Variants in SCN11A observed in about 807,000 individuals in gnomAD.
The protein encoded by SCN11A is sodium voltage-gated channel alpha subunit 11, also known as sodium channel protein type 11 subunit alpha.
A neutral mutation model predicts 162.2 loss-of-function variants in SCN11A; 122 were observed. The ratio of observed to expected loss-of-function variants is 0.75; its 90% CI spans 0.65 to 0.87. The LOEUF is 0.87. Among genes scored for constraint, SCN11A ranks in the 40% least tolerant of loss-of-function variants. SCN11A has a pLI of 0.00. For missense variants in SCN11A, 2,015 were observed against 2,181.6 expected, an observed-to-expected ratio of 0.92 and a Z score of 1.52; for synonymous variants, 758 against 751.5, an observed-to-expected ratio of 1.01 and a Z score of -0.14.
intron 2 of SCN11A, among the ~76,000 whole-genome samples, chr3:39,014,491 C>T (rs1282133729): frequency 1.3e-5 from 2 of 152,174 alleles, no homozygotes; most frequent in Non-Finnish European, 2.9e-5. Flanking sequence ...TGGCTCAAAA[C>T]ACATCCTATA....
At chr3:38,905,972 A>G (rs2065785778) in intron 14 of SCN11A, among the ~76,000 whole-genome samples, 1 of 152,202 alleles carries the variant, frequency 6.6e-6, no homozygotes, top group Non-Finnish European at 1.5e-5. Flanking sequence ...GGGTTTTCCT[A>G]GTGGCTTATT....
chr3:38,925,626 C>A, intron 8 of SCN11A, 117 bp from the exon 9 acceptor site: 1 of 678,098 alleles, frequency 1.5e-6, no homozygotes. Flanking sequence ...AAGGTGAAAT[C>A]GACAGCCTCA....
At chr3:38,911,914 T>C (rs980524293) in intron 11 of SCN11A, among the ~76,000 whole-genome samples, 25 of 152,212 alleles carry the variant, frequency 1.6e-4, no homozygotes, top group African/African-American at 5.8e-4. Context: ...CCACATTTTC[T>C]GTGGCTTTAT....
chr3:38,992,310 T>C (rs567040149), intron 2 of SCN11A, among the ~76,000 whole-genome samples: 51 of 152,368 alleles, frequency 3.3e-4, no homozygotes, highest in Non-Finnish European at 6.8e-4. Flanking sequence ...CTATCCAGGA[T>C]TGGCTATGGC....
rs1356102739 is a variant in SCN11A, at chr3:38,894,865, C to A, written c.2503G>T (p.Ala835Ser). 1.2e-6 allele frequency: 2 copies of A among 1,614,106 alleles called. No individual in the cohort carries two copies. The highest frequency in any genetic ancestry group is 1.7e-6 in the Non-Finnish European group (2 of 1,179,932). Residue 835 changes from alanine to serine, a missense_variant, in exon 19 of 30, where the codon GCA becomes TCA. Coordinates refer to ENST00000302328, the MANE Select transcript of SCN11A (RefSeq NM_001349253.2). ...GEARKTKVQL[A>S]LDRFRRAFCF... ...AAAGCCCGGCGGAATCGATCCAGTG[C>A]TAACTGGACTTTAGTTTTCCTGGCC...
At chr3:38,987,323 A>T (rs1421892055) in intron 2 of SCN11A, among the ~76,000 whole-genome samples, 2 of 149,670 alleles carry the variant, frequency 1.3e-5, no homozygotes, top group African/African-American at 4.9e-5. Flanking sequence ...ACACACACAC[A>T]CACACACACA....
chr3:38,932,247 T>C (rs1468106847), intron 7 of SCN11A, among the ~76,000 whole-genome samples: 1 of 152,220 alleles, frequency 6.6e-6, no homozygotes, highest in Non-Finnish European at 1.5e-5. Context: ...GGAGCCAAGA[T>C]GGCCGAATAG....
At chr3:38,889,806 AT>A (rs1242868510) in intron 19 of SCN11A, among the ~76,000 whole-genome samples, 4 of 23,900 alleles carry the variant, frequency 1.7e-4, no homozygotes, top group East Asian at 6.5e-4. Flanking sequence ...TCTCAAAAAA[AT>A]AAAATAAAAT....
chr3:39,030,726 C>CCA (rs942347073), intron 2 of SCN11A, among the ~76,000 whole-genome samples: 39 of 151,880 alleles, frequency 2.6e-4, no homozygotes, highest in Admixed American at 4.6e-4. Context: ...AAAAATCCTA[C>CCA]CACACACACA....
chr3:38,993,274 T>C (rs1280548907), intron 2 of SCN11A, among the ~76,000 whole-genome samples: 3 of 152,128 alleles, frequency 2.0e-5, no homozygotes, highest in African/African-American at 7.2e-5. Context: ...CTGGGAGTTT[T>C]ATTCATTGGA....
At chr3:38,863,921 T>A (rs755330719) in intron 27 of SCN11A, among the ~76,000 whole-genome samples, 1 of 151,890 alleles carries the variant, frequency 6.6e-6, no homozygotes, top group Non-Finnish European at 1.5e-5. Flanking sequence ...AAGAAAAAAA[T>A]TGGGGGTCTG....
intron 7 of SCN11A, among the ~76,000 whole-genome samples, chr3:38,936,578 CAG>C (rs1307236099): frequency 3.3e-5 from 5 of 150,402 alleles, no homozygotes; most frequent in African/African-American, 1.2e-4. Flanking sequence ...ACACCAACAA[CAG>C]ACAAACAGAG....
intron 16 of SCN11A, among the ~76,000 whole-genome samples, chr3:38,900,974 G>A (rs1051626509): frequency 6.6e-6 from 1 of 151,764 alleles, no homozygotes. Flanking sequence ...ATTTCTTCAC[G>A]GCAAACAGCA....
chr3:38,905,114 T>C (rs2065771629), intron 15 of SCN11A, 78 bp downstream of exon 15: 1 of 1,590,820 alleles, frequency 6.3e-7, no homozygotes, highest in Non-Finnish European at 8.6e-7. Context: ...GCAGAGGGCT[T>C]CTAGGGGATT....
chr3:38,949,941 C>G (rs2066576410), intron 5 of SCN11A, among the ~76,000 whole-genome samples, 155 bp downstream of exon 5: 1 of 151,972 alleles, frequency 6.6e-6, no homozygotes, highest in Non-Finnish European at 1.5e-5. Context: ...GTTTTCAGGA[C>G]TATCAAGGCA....
At chr3:38,941,770 T>C (rs912595740) in intron 7 of SCN11A, among the ~76,000 whole-genome samples, 1 of 148,670 alleles carries the variant, frequency 6.7e-6, no homozygotes, top group African/African-American at 2.5e-5. Context: ...GGAGAAATAA[T>C]GGAGTAGCAA....
intron 7 of SCN11A, among the ~76,000 whole-genome samples, chr3:38,938,737 T>C (rs2066394450): frequency 6.6e-6 from 1 of 150,806 alleles, no homozygotes; most frequent in African/African-American, 2.4e-5. Context: ...GCTAATTTTG[T>C]ATTCTTAGTA....
At chr3:38,981,023 C>G (rs886514763) in intron 2 of SCN11A, among the ~76,000 whole-genome samples, 2 of 151,612 alleles carry the variant, frequency 1.3e-5, no homozygotes, top group African/African-American at 4.9e-5. Context: ...GTATCTCACT[C>G]TGTTTGTCGG....
In SCN11A at chr3:39,012,399, A is replaced by C. The variant is rs117477417; in HGVS notation, c.-280+19981T>G. ...GGTGTACTGGATCAGCTCCTTCCTT[A>C]CTTCCTTCCTTCCTTGCTCTTTCTT... On this transcript the variant is annotated intron_variant, in intron 2 of 29. Coordinates refer to ENST00000302328, the MANE Select transcript of SCN11A (RefSeq NM_001349253.2). 7.6e-3 allele frequency among the ~76,000 whole-genome samples: 1,126 copies of C among 148,880 alleles called. 20 individuals carry two copies. The highest frequency in any genetic ancestry group is 0.023 in the East Asian group (117 of 4,996).
Sources: gnomAD v4.1 joint callset for allele counts (sites outside exome capture counted in the v4.1 genomes callset) on GRCh38, gnomAD v4.1.1 for gene constraint, MANE v1.5 for transcripts, NCBI Gene and HGNC (gene_info 2026-07-23, HGNC 2026-07-21) for gene names.